Variants in CTDSPL2 observed in about 807,000 individuals in gnomAD.
CTDSPL2 encodes the protein CTD small phosphatase-like protein 2.
In CTDSPL2, 5 loss-of-function variants were observed where a neutral mutation model predicts 60.0. That is an observed-to-expected ratio of 0.08 (90% CI 0.04 to 0.18). The LOEUF (loss-of-function observed/expected upper bound fraction) is 0.18, where lower values mean the gene tolerates loss of function less well. CTDSPL2 is among the 10% of genes least tolerant of loss of function. CTDSPL2 has a pLI of 1.00. For missense variants in CTDSPL2, 370 were observed against 548.8 expected (o/e 0.67, Z 3.26); for synonymous variants, 186 against 189.3 (o/e 0.98, Z 0.14).
intron 8 of CTDSPL2, among the ~76,000 whole-genome samples, chr15:44,509,928 A>AT (rs1555439800): frequency 1.3e-5 from 2 of 150,124 alleles, no homozygotes; most frequent in Admixed American, 1.3e-4. Context: ...TCCATTTAAA[A>AT]ATATATATAT....
At chr15:44,479,165 T>A (rs571681801) in intron 2 of CTDSPL2, among the ~76,000 whole-genome samples, 10 of 151,946 alleles carry the variant, frequency 6.6e-5, no homozygotes, top group Non-Finnish European at 1.3e-4. Flanking sequence ...AGCAGGAGGA[T>A]TGCTTGAACC....
At chr15:44,494,655 G>C (rs2081267837) in intron 5 of CTDSPL2, among the ~76,000 whole-genome samples, 3 of 151,498 alleles carry the variant, frequency 2.0e-5, no homozygotes, top group African/African-American at 7.3e-5. Context: ...CATGCCTGTA[G>C]TCCCTGCACT....
intron 1 of CTDSPL2, among the ~76,000 whole-genome samples, chr15:44,432,745 G>A (rs141734805): frequency 1.2e-3 from 188 of 151,452 alleles, no homozygotes; most frequent in Non-Finnish European, 2.2e-3. Context: ...TCAGTCCCCC[G>A]AATAGCTGGC....
intron 11 of CTDSPL2, chr15:44,520,973 AC>A (rs1342692031): frequency 6.3e-6 from 1 of 158,552 alleles, no homozygotes; most frequent in Non-Finnish European, 1.4e-5. Context: ...CACAGTGCCT[AC>A]CTAGCATTGT....
intron 1 of CTDSPL2, among the ~76,000 whole-genome samples, chr15:44,443,297 C>G (rs2080130718): frequency 6.6e-6 from 1 of 152,168 alleles, no homozygotes; most frequent in South Asian, 2.1e-4. Flanking sequence ...TTTTGTTTAT[C>G]CATTCTTCCA....
rs548148432 is a variant in CTDSPL2, at chr15:44,429,441, G to A, written c.-25+1669G>A. 1.2e-3 allele frequency among the ~76,000 whole-genome samples: 188 copies of A among 152,290 alleles called. 2 individuals are homozygous for A. Among genetic ancestry groups the A allele is most frequent in the African/African-American group, 4.3e-3 (180 of 41,564 alleles). ...TTTTTGGGTAGTTAATAGCGTTAAT[G>A]TTTTTAATAAAAATTAGTTTGCAGC... On this transcript the variant is annotated intron_variant, in intron 1 of 12. Transcript: ENST00000260327.
Position 44,506,412 on chromosome 15 carries a change from C to CTTT in CTDSPL2, c.969+6618_969+6620dup, listed in dbSNP as rs764238056. Reference sequence around the variant, plus strand: ...TAAGCTTCATTTTATCCTACTTTGACTTTTTTTTTTTTTTTTTTTTTGGAG... The same window carrying CTTT: ...TAAGCTTCATTTTATCCTACTTTGACTTTTTTTTTTTTTTTTTTTTTTTTGGAG... On this transcript the variant is annotated intron_variant, in intron 8 of 12. Coordinates refer to ENST00000260327, the MANE Select transcript of CTDSPL2 (RefSeq NM_016396.3). Among the ~76,000 whole-genome samples the CTTT allele has an allele frequency of 3.8e-3, 424 of 112,362 alleles. 13 individuals are homozygous for CTTT. The highest frequency in any genetic ancestry group is 0.014 in the African/African-American group (377 of 27,364). 73.7% of individuals were successfully genotyped at this position (112,362 alleles called of 152,430 possible). A position where few individuals can be genotyped will look rare whatever the true frequency, so the allele number is the denominator to read the frequency against.
In CTDSPL2 at chr15:44,497,053, C is replaced by T; in HGVS notation, c.797C>T (p.Pro266Leu). 1 of 1,607,780 alleles carries T rather than the reference C, an allele frequency of 6.2e-7. No individual in the cohort carries two copies. Among genetic ancestry groups the T allele is most frequent in the Non-Finnish European group, 8.5e-7 (1 of 1,175,826 alleles). Residue 266 changes from proline to leucine, a missense_variant, in exon 7 of 13, where the codon CCA (proline) becomes CTA (leucine). Coordinates refer to ENST00000260327, the MANE Select transcript of CTDSPL2 (RefSeq NM_016396.3). ...DPYYFIKHVP[P>L]LTEEQLNRKP... ...TATTATTTCATCAAACATGTCCCGC[C>T]ACTGACAGAAGAACAACTAAATAGG...
chr15:44,491,501 A>G (rs1399778290), intron 5 of CTDSPL2, among the ~76,000 whole-genome samples: 1 of 152,142 alleles, frequency 6.6e-6, no homozygotes, highest in Non-Finnish European at 1.5e-5. Context: ...TTTCGGAGCC[A>G]TTTGTCCTTG....
At chr15:44,435,292 G>T (rs1363571494) in intron 1 of CTDSPL2, among the ~76,000 whole-genome samples, 10 of 146,902 alleles carry the variant, frequency 6.8e-5, no homozygotes, top group African/African-American at 2.5e-4. Context: ...CCTTCTAACT[G>T]TGCGCAATGG....
At chr15:44,488,683 C>T (rs141513321) in intron 4 of CTDSPL2, among the ~76,000 whole-genome samples, 1 of 151,972 alleles carries the variant, frequency 6.6e-6, no homozygotes, top group Non-Finnish European at 1.5e-5. Context: ...GGCATGGTGG[C>T]GCACACCCAC....
intron 2 of CTDSPL2, among the ~76,000 whole-genome samples, chr15:44,473,508 A>G (rs1388294845): frequency 2.6e-5 from 4 of 151,018 alleles, no homozygotes; most frequent in Non-Finnish European, 5.9e-5. Context: ...TGTTAGTCAG[A>G]ATGGTCTCGA....
chr15:44,526,906 A>G lies in CTDSPL2; in HGVS notation c.*2732A>G, dbSNP rs1226358138. The G allele has an allele frequency of 6.6e-6, 1 of 152,594 alleles. No homozygotes were observed. The highest frequency in any genetic ancestry group is 2.4e-5 in the African/African-American group (1 of 41,460). 9.5% of individuals were successfully genotyped at this position (152,594 alleles called of 1,614,324 possible). On this transcript the variant is annotated 3_prime_UTR_variant, in exon 13 of 13. Transcript: ENST00000260327. ...TATACACATTACAACTCTGGAGTAC[A>G]TATTAAAGTCGTGCTATTTCCAGTG...
At chr15:44,502,272 A>G (rs1338799006) in intron 8 of CTDSPL2, among the ~76,000 whole-genome samples, 1 of 151,942 alleles carries the variant, frequency 6.6e-6, no homozygotes, top group East Asian at 1.9e-4. Context: ...TATATATTTT[A>G]TATGTAAAGA....
At chr15:44,445,677 G>T (rs375500069) in intron 1 of CTDSPL2, among the ~76,000 whole-genome samples, 9 of 149,202 alleles carry the variant, frequency 6.0e-5, no homozygotes, top group Non-Finnish European at 1.5e-5. Context: ...TCGCACTGTC[G>T]CCTGGGCTGG....
intron 1 of CTDSPL2, among the ~76,000 whole-genome samples, chr15:44,457,956 T>G (rs1030595474): frequency 1.3e-5 from 2 of 152,254 alleles, no homozygotes; most frequent in Non-Finnish European, 2.9e-5. Flanking sequence ...TTTCTATGAT[T>G]GTTTTGTTGA....
intron 1 of CTDSPL2, among the ~76,000 whole-genome samples, chr15:44,432,616 G>A (rs960172227): frequency 3.4e-5 from 5 of 148,580 alleles, no homozygotes; most frequent in South Asian, 4.3e-4. Flanking sequence ...CACTGTGCCC[G>A]GCCTATTATT....
rs993723245 is a variant in CTDSPL2 at position 44,519,351 on chromosome 15, T to C, written c.1239+56T>C. 2.9e-6 allele frequency: 4 copies of C among 1,397,682 alleles called. No homozygotes were observed. In the Admixed American group the frequency reaches 7.6e-5, roughly 27 times the overall value. 86.6% of individuals were successfully genotyped at this position (1,397,682 alleles called of 1,614,324 possible). A position where few individuals can be genotyped will look rare whatever the true frequency, so the allele number is the denominator to read the frequency against. ...TTGGAAAAAATACAATGAAGACACATGCTGCCAAACAGAATATGATGGGAG... is the reference window on the plus strand; with the variant it reads ...TTGGAAAAAATACAATGAAGACACACGCTGCCAAACAGAATATGATGGGAG... On this transcript the variant is annotated intron_variant, in intron 11 of 12. Transcript: ENST00000260327.
chr15:44,496,676 C>T (rs1056683531), intron 6 of CTDSPL2, among the ~76,000 whole-genome samples: 2 of 152,022 alleles, frequency 1.3e-5, no homozygotes, highest in Non-Finnish European at 2.9e-5. Flanking sequence ...ACCTGGGCAA[C>T]GTGGCAAAAC....
Sources: allele counts gnomAD v4.1 joint callset (sites outside exome capture counted in the v4.1 genomes callset), GRCh38; gene constraint gnomAD v4.1.1; transcripts MANE v1.5; gene names NCBI Gene and HGNC (gene_info 2026-07-23, HGNC 2026-07-21).